CACNA2D3: variants seen among roughly 807,000 people sequenced by gnomAD.
The protein encoded by CACNA2D3 is calcium voltage-gated channel auxiliary subunit alpha2delta 3, also known as voltage-dependent calcium channel subunit alpha-2/delta-3.
Under a neutral mutation model 160.6 loss-of-function variants are expected in CACNA2D3, and 60 were observed. That is an observed-to-expected ratio of 0.37 (90% CI 0.30 to 0.46). The LOEUF is 0.46. Ranked by LOEUF, CACNA2D3 falls within the 20% of genes least tolerant of loss-of-function variation. The pLI is 1.00. For synonymous variants in CACNA2D3, 558 were observed against 492.9 expected (o/e 1.13, Z -1.75); for missense variants, 1,205 against 1,365.0 (o/e 0.88, Z 1.85).
At chr3:54,709,552 G>A (rs1206685226) in intron 11 of CACNA2D3, among the ~76,000 whole-genome samples, 2 of 151,998 alleles carry the variant, frequency 1.3e-5, no homozygotes, top group Admixed American at 6.6e-5. Flanking sequence ...TGTAGAGACA[G>A]GGTCTCACTA....
chr3:54,803,698 C>T (rs2106678298), intron 13 of CACNA2D3, among the ~76,000 whole-genome samples: 1 of 152,228 alleles, frequency 6.6e-6, no homozygotes, highest in East Asian at 1.9e-4. Context: ...TCAGGAAATA[C>T]AGAGAACGCC....
At chr3:54,891,222 T>TGTG in intron 24 of CACNA2D3, 133 bp from the exon 25 acceptor site, 1 of 604,882 alleles carries the variant, frequency 1.7e-6, no homozygotes, top group South Asian at 1.9e-5. Flanking sequence ...TGTGTGTGTG[T>TGTG]TTCTGTATCT....
chr3:54,816,482 C>A lies in CACNA2D3; in HGVS notation c.1381-371C>A, dbSNP rs115709235. Among the ~76,000 whole-genome samples, 1,278 of 152,258 alleles carry A rather than the reference C, an allele frequency of 8.4e-3. 13 individuals carry two copies. Among genetic ancestry groups the A allele is most frequent in the African/African-American group, 0.028 (1,168 of 41,556 alleles). ...ACCCCAAATGTCTCCAGATGGCCCT[C>A]ATCCAGTTGAAAACTGCTGGTCAAA... is the stretch of plus-strand genomic sequence containing the variant. On this transcript the variant is annotated intron_variant, in intron 13 of 37. Coordinates refer to ENST00000474759, the MANE Select transcript of CACNA2D3 (RefSeq NM_018398.3).
intron 11 of CACNA2D3, among the ~76,000 whole-genome samples, chr3:54,650,654 C>T (rs1185046424): frequency 2.6e-5 from 4 of 152,074 alleles, no homozygotes; most frequent in South Asian, 2.1e-4. Flanking sequence ...TGTGAACTAC[C>T]GTGCCAGGCC....
intron 5 of CACNA2D3, among the ~76,000 whole-genome samples, chr3:54,509,088 G>C (rs1701416570): frequency 6.6e-6 from 1 of 152,138 alleles, no homozygotes; most frequent in Admixed American, 6.5e-5. Flanking sequence ...AATGCATTTT[G>C]CCAGGCACTT....
chr3:54,335,325 G>A (rs1704349948), intron 3 of CACNA2D3, among the ~76,000 whole-genome samples: 1 of 152,216 alleles, frequency 6.6e-6, no homozygotes, highest in East Asian at 1.9e-4. Flanking sequence ...ATAAAGAATG[G>A]CTACTCCATA....
chr3:54,475,640 C>T (rs1281012582), intron 4 of CACNA2D3, among the ~76,000 whole-genome samples: 1 of 152,102 alleles, frequency 6.6e-6, no homozygotes, highest in East Asian at 1.9e-4. Context: ...ATCAGCCTTG[C>T]CCTAAGAGTC....
At chr3:54,721,489 G>C (rs147962225) in intron 11 of CACNA2D3, among the ~76,000 whole-genome samples, 1 of 152,008 alleles carries the variant, frequency 6.6e-6, no homozygotes, top group Non-Finnish European at 1.5e-5. Context: ...GACTGGGCAC[G>C]GTGGCTCACA....
intron 2 of CACNA2D3, among the ~76,000 whole-genome samples, chr3:54,174,019 T>A (rs1413666135): frequency 6.6e-6 from 1 of 152,186 alleles, no homozygotes; most frequent in African/African-American, 2.4e-5. Context: ...TGCTCTAGGT[T>A]AGGTATCGGT....
At chr3:54,464,112 G>C (rs1334139275) in intron 4 of CACNA2D3, among the ~76,000 whole-genome samples, 1 of 152,190 alleles carries the variant, frequency 6.6e-6, no homozygotes, top group Non-Finnish European at 1.5e-5. Flanking sequence ...GAATGCTGCT[G>C]TCTGATCGTT....
intron 35 of CACNA2D3, among the ~76,000 whole-genome samples, chr3:55,064,587 T>C (rs376439350): frequency 7.9e-5 from 12 of 152,244 alleles, no homozygotes; most frequent in African/African-American, 2.6e-4. Context: ...ACTTCACTTA[T>C]AAAACACAAA....
intron 35 of CACNA2D3, among the ~76,000 whole-genome samples, chr3:55,041,554 T>C (rs982416447): frequency 2.6e-5 from 4 of 152,188 alleles, no homozygotes. Context: ...TTAGAAATAA[T>C]TCTTTATAAT....
rs146408098 is a variant in CACNA2D3, at chr3:54,983,837, A to G, written c.2557-771A>G. On this transcript the variant is annotated intron_variant, in intron 29 of 37. Transcript: ENST00000474759. ...CTGTAATAAATAGAAACTGAGTTAC[A>G]TCAAGGACGGAATTAAACCTTAAGT... Among the ~76,000 whole-genome samples the G allele has an allele frequency of 3.5e-3, 531 of 152,354 alleles. 2 individuals carry two copies. The highest frequency in any genetic ancestry group is 5.5e-3 in the Non-Finnish European group (373 of 68,032).
chr3:54,628,006 G>A, intron 10 of CACNA2D3, 130 bp downstream of exon 10: 1 of 673,108 alleles, frequency 1.5e-6, no homozygotes, highest in South Asian at 1.7e-5. Flanking sequence ...GCCGAGATGG[G>A]CGGATCATGA....
intron 27 of CACNA2D3, among the ~76,000 whole-genome samples, chr3:54,903,790 G>A (rs1259799914): frequency 6.6e-6 from 1 of 152,106 alleles, no homozygotes; most frequent in African/African-American, 2.4e-5. Flanking sequence ...GTTTTGATTT[G>A]CATTTATCTA....
intron 3 of CACNA2D3, among the ~76,000 whole-genome samples, chr3:54,381,914 C>T (rs1484921897): frequency 2.0e-5 from 3 of 152,108 alleles, no homozygotes; most frequent in African/African-American, 7.2e-5. Context: ...TGAATTACAA[C>T]CTTTTAGCTT....
At chr3:54,453,384 C>T (rs537558462) in intron 4 of CACNA2D3, among the ~76,000 whole-genome samples, 2 of 152,264 alleles carry the variant, frequency 1.3e-5, no homozygotes, top group East Asian at 1.9e-4. Context: ...CTGCAGAGAC[C>T]CAGTTTCCAA....
chr3:54,513,323 C>T lies in CACNA2D3; in HGVS notation c.544+9669C>T, dbSNP rs187772551. 2.0e-5 allele frequency among the ~76,000 whole-genome samples: 3 copies of T among 152,294 alleles called. No individual in the cohort carries two copies. In the East Asian group the frequency reaches 5.8e-4, roughly 29 times the overall value. On this transcript the variant is annotated intron_variant, in intron 5 of 37. Transcript: ENST00000474759. ...CCAGAACACACTATCTACTCATTGACCTTAGAGACACTCACCTGTGCCTTA... is the reference window on the plus strand; with the variant it reads ...CCAGAACACACTATCTACTCATTGATCTTAGAGACACTCACCTGTGCCTTA...
At chr3:54,441,401 A>C (rs911748977) in intron 4 of CACNA2D3, among the ~76,000 whole-genome samples, 1 of 152,066 alleles carries the variant, frequency 6.6e-6, no homozygotes, top group Non-Finnish European at 1.5e-5. Flanking sequence ...TTGTCAGATG[A>C]GTAGATTGCA....
Sources: allele counts gnomAD v4.1 joint callset (sites outside exome capture counted in the v4.1 genomes callset), GRCh38; gene constraint gnomAD v4.1.1; transcripts MANE v1.5; gene names NCBI Gene and HGNC (gene_info 2026-07-23, HGNC 2026-07-21).